Variants in REEP1 observed in about 807,000 individuals in gnomAD.
REEP1 encodes receptor expression-enhancing protein 1.
REEP1 carries 22 observed loss-of-function variants against 40.3 expected under a neutral mutation model. That is an observed-to-expected ratio of 0.55 (90% CI 0.39 to 0.78). REEP1 has a LOEUF of 0.78. Among genes scored for constraint, REEP1 ranks in the 30% least tolerant of loss-of-function variants. The pLI, the probability that REEP1 is intolerant of heterozygous loss-of-function variation, is 0.00. For missense variants in REEP1, 280 were observed against 361.1 expected, an observed-to-expected ratio of 0.78 and a Z score of 1.82; for synonymous variants, 116 against 139.2, an observed-to-expected ratio of 0.83 and a Z score of 1.17.
chr2:86,254,617 A>G, intron 4 of REEP1, 77 bp downstream of exon 4: 2 of 1,506,312 alleles, frequency 1.3e-6, no homozygotes, highest in Non-Finnish European at 1.8e-6. Flanking sequence ...GTCTCCTGCA[A>G]TAAGATCATC....
chr2:86,258,336 T>C (rs188460727), intron 3 of REEP1, among the ~76,000 whole-genome samples: 22 of 152,342 alleles, frequency 1.4e-4, no homozygotes, highest in Admixed American at 6.5e-4. Flanking sequence ...TTATGCACAA[T>C]GATTTATTAA....
chr2:86,236,932 C>A (rs1182209682), intron 5 of REEP1, among the ~76,000 whole-genome samples: 1 of 152,202 alleles, frequency 6.6e-6, no homozygotes, highest in Admixed American at 6.5e-5. Flanking sequence ...GACGGGGTTT[C>A]ACCGTGTTAG....
At chr2:86,243,204 G>A (rs1195605100) in intron 5 of REEP1, among the ~76,000 whole-genome samples, 1 of 152,160 alleles carries the variant, frequency 6.6e-6, no homozygotes, top group Admixed American at 6.5e-5. Context: ...ACTGAGGCGT[G>A]AGGAAAGGAG....
chr2:86,227,789 C>T (rs540154545), intron 6 of REEP1, among the ~76,000 whole-genome samples: 1 of 152,186 alleles, frequency 6.6e-6, no homozygotes, highest in African/African-American at 2.4e-5. Flanking sequence ...CAAAGTGCTT[C>T]GCATCTGGGC....
At chr2:86,303,212 G>GTTTTTTTTTTT (rs35002382) in intron 1 of REEP1, among the ~76,000 whole-genome samples, 1 of 69,012 alleles carries the variant, frequency 1.4e-5, no homozygotes, top group African/African-American at 5.7e-5. Context: ...CCGGCTAATT[G>GTTTTTTTTTTT]TTTTTTTTTT....
intron 2 of REEP1, among the ~76,000 whole-genome samples, chr2:86,264,663 G>C (rs1016131604): frequency 2.0e-5 from 3 of 152,176 alleles, no homozygotes; most frequent in African/African-American, 7.2e-5. Context: ...CCAGCCTGCA[G>C]AATCAAGTCC....
At chr2:86,224,258 T>A (rs1188321898) in intron 7 of REEP1, among the ~76,000 whole-genome samples, 1 of 152,230 alleles carries the variant, frequency 6.6e-6, no homozygotes, top group Non-Finnish European at 1.5e-5. Context: ...GGCTTTGGCC[T>A]GAGTGAGCAC....
At chr2:86,281,955 A>AC (rs1678118344) in intron 2 of REEP1, among the ~76,000 whole-genome samples, 1 of 152,060 alleles carries the variant, frequency 6.6e-6, no homozygotes, top group Admixed American at 6.6e-5. Flanking sequence ...CTCTTGCCGT[A>AC]TCTCCCTGCT....
intron 3 of REEP1, 118 bp downstream of exon 3, chr2:86,263,847 C>T: frequency 1.3e-6 from 1 of 769,526 alleles, no homozygotes; most frequent in South Asian, 1.4e-5. Flanking sequence ...AACATCCCTG[C>T]TCTTGCGTCT....
chr2:86,317,165 C>A (rs776482864), intron 1 of REEP1, among the ~76,000 whole-genome samples: 1 of 152,022 alleles, frequency 6.6e-6, no homozygotes, highest in Non-Finnish European at 1.5e-5. Flanking sequence ...ACAGCCGACC[C>A]GGACTCTTCA....
intron 1 of REEP1, among the ~76,000 whole-genome samples, chr2:86,290,353 G>A (rs1446020047): frequency 2.0e-5 from 3 of 152,138 alleles, no homozygotes; most frequent in African/African-American, 4.8e-5. Context: ...ATACCTGACT[G>A]TAGTGCTGTT....
At chr2:86,326,790 C>A (rs1323908924) in intron 1 of REEP1, among the ~76,000 whole-genome samples, 1 of 152,176 alleles carries the variant, frequency 6.6e-6, no homozygotes, top group African/African-American at 2.4e-5. Context: ...GAGCTCCCTG[C>A]CTCACAAGGC....
intron 5 of REEP1, among the ~76,000 whole-genome samples, chr2:86,238,369 C>T (rs979564927): frequency 2.0e-5 from 3 of 152,192 alleles, no homozygotes; most frequent in Non-Finnish European, 2.9e-5. Flanking sequence ...CATCCCAGTT[C>T]CCTGTAAATG....
chr2:86,306,599 G>A (rs1262097007), intron 1 of REEP1, among the ~76,000 whole-genome samples: 1 of 152,178 alleles, frequency 6.6e-6, no homozygotes, highest in African/African-American at 2.4e-5. Flanking sequence ...AGCAGTTACT[G>A]TAACCTTATC....
chr2:86,224,095 T>A (rs929454382), intron 7 of REEP1, among the ~76,000 whole-genome samples: 1 of 152,180 alleles, frequency 6.6e-6, no homozygotes, highest in African/African-American at 2.4e-5. Context: ...GCTCTGTCAC[T>A]GCCCTAAAAG....
chr2:86,335,480 G>A (rs1680973397), intron 1 of REEP1, among the ~76,000 whole-genome samples: 1 of 152,096 alleles, frequency 6.6e-6, no homozygotes, highest in South Asian at 2.1e-4. Flanking sequence ...GGTTGTTTTA[G>A]AAAGCAACAG....
intron 1 of REEP1, 107 bp from the exon 2 acceptor site, chr2:86,282,349 T>A (rs1337831477): frequency 1.2e-6 from 1 of 867,980 alleles, no homozygotes; most frequent in African/African-American, 1.7e-5. Flanking sequence ...CAGAAAGTGC[T>A]GCTGTGGGGC....
At chr2:86,299,616 T>A (rs1025727590) in intron 1 of REEP1, among the ~76,000 whole-genome samples, 1 of 152,214 alleles carries the variant, frequency 6.6e-6, no homozygotes, top group African/African-American at 2.4e-5. Flanking sequence ...ACCTTCCTCA[T>A]TAGGCTACAA....
intron 1 of REEP1, among the ~76,000 whole-genome samples, chr2:86,326,597 A>C (rs1034710758): frequency 6.6e-6 from 1 of 152,144 alleles, no homozygotes; most frequent in African/African-American, 2.4e-5. Context: ...CTGTAATCCC[A>C]GCTACTTAGG....
Sources: gnomAD v4.1 joint callset for allele counts (sites outside exome capture counted in the v4.1 genomes callset) on GRCh38, gnomAD v4.1.1 for gene constraint, MANE v1.5 for transcripts, NCBI Gene and HGNC (gene_info 2026-07-23, HGNC 2026-07-21) for gene names.